The following THRB variants were observed in gnomAD, a reference collection of about 807,000 sequenced individuals.
The protein encoded by THRB is nuclear receptor subfamily 1 group A member 2.
Under a neutral mutation model 47.8 loss-of-function variants are expected in THRB, and 12 were observed. That is an observed-to-expected ratio of 0.25 (90% CI 0.16 to 0.41). The LOEUF (loss-of-function observed/expected upper bound fraction) is 0.41. Ranked by LOEUF, THRB falls within the 10% of genes least tolerant of loss-of-function variation. The pLI is 1.00. For synonymous variants in THRB, 218 were observed against 212.2 expected (o/e 1.03, Z -0.24); for missense variants, 348 against 589.2 (o/e 0.59, Z 4.24).
At chr3:24,440,756 C>G (rs2071445862) in intron 1 of THRB, among the ~76,000 whole-genome samples, 1 of 152,086 alleles carries the variant, frequency 6.6e-6, no homozygotes, top group Admixed American at 6.5e-5. Flanking sequence ...GGGATGATGA[C>G]TGAGCTCTGG....
chr3:24,268,839 TTATA>T (rs2052934250), intron 3 of THRB, among the ~76,000 whole-genome samples: 1 of 152,200 alleles, frequency 6.6e-6, no homozygotes, highest in African/African-American at 2.4e-5. Context: ...CTACATTCTA[TTATA>T]TAAATAATTA....
chr3:24,320,021 A>G (rs970844670), intron 2 of THRB, among the ~76,000 whole-genome samples: 4 of 152,216 alleles, frequency 2.6e-5, no homozygotes, highest in Non-Finnish European at 4.4e-5. Context: ...TACGCTCTCT[A>G]TTATGGGAGT....
chr3:24,348,420 T>A (rs1282501928), intron 1 of THRB: 1 of 152,220 alleles, frequency 6.6e-6, no homozygotes, highest in Non-Finnish European at 1.5e-5. Flanking sequence ...CCCCTGAATG[T>A]CACCTAGTGA....
At chr3:24,466,222 A>G (rs1174267005) in intron 1 of THRB, among the ~76,000 whole-genome samples, 5 of 152,048 alleles carry the variant, frequency 3.3e-5, no homozygotes, top group African/African-American at 4.8e-5. Flanking sequence ...TACTGCTGCC[A>G]AAACTAGTCA....
intron 3 of THRB, among the ~76,000 whole-genome samples, chr3:24,249,233 T>C (rs2150344024): frequency 6.6e-6 from 1 of 152,188 alleles, no homozygotes; most frequent in South Asian, 2.1e-4. Flanking sequence ...TTTTTTTGCA[T>C]AAAAATGATT....
At chr3:24,124,624 T>C (rs1197333277) in intron 10 of THRB, among the ~76,000 whole-genome samples, 2 of 152,242 alleles carry the variant, frequency 1.3e-5, no homozygotes, top group Non-Finnish European at 2.9e-5. Context: ...AAGACCATTT[T>C]AACTCCTTAA....
intron 4 of THRB, among the ~76,000 whole-genome samples, chr3:24,223,338 A>G (rs953235388): frequency 6.6e-6 from 1 of 152,242 alleles, no homozygotes; most frequent in Non-Finnish European, 1.5e-5. Flanking sequence ...ACATGTTGAA[A>G]TAAAAGTGCT....
chr3:24,263,963 T>C (rs2052365692), intron 3 of THRB, among the ~76,000 whole-genome samples: 1 of 152,206 alleles, frequency 6.6e-6, no homozygotes, highest in African/African-American at 2.4e-5. Context: ...GAAAAAATGA[T>C]GTTTTTGCTC....
chr3:24,453,598 A>C (rs1380806231), intron 1 of THRB, among the ~76,000 whole-genome samples: 6 of 152,202 alleles, frequency 3.9e-5, no homozygotes, highest in South Asian at 4.1e-4. Context: ...ATCAATCTTC[A>C]TGAAACAGCT....
In THRB at chr3:24,290,657, G is replaced by A. The variant is rs185044298; in HGVS notation, c.-43+6569C>T. 1.9e-4 allele frequency among the ~76,000 whole-genome samples: 29 copies of A among 152,290 alleles called. No homozygotes were observed. The East Asian group carries it at 5.4e-3, about 28-fold the overall frequency. Reference sequence around the variant, plus strand: ...CTTAATTAATTAGATATTAGGGGAAGAAATGTATTTTTCTGACAAGAAGCC... The same window carrying A: ...CTTAATTAATTAGATATTAGGGGAAAAAATGTATTTTTCTGACAAGAAGCC... On this transcript the variant is annotated intron_variant, in intron 3 of 10. Coordinates refer to ENST00000646209, the MANE Select transcript of THRB (RefSeq NM_001354712.2).
At chr3:24,490,607 G>A (rs1020547096) in intron 1 of THRB, among the ~76,000 whole-genome samples, 1 of 152,148 alleles carries the variant, frequency 6.6e-6, no homozygotes, top group African/African-American at 2.4e-5. Context: ...AGGGTGATAA[G>A]AGCTATATAG....
In THRB at chr3:24,394,754, C is replaced by T. The variant is rs140289405; in HGVS notation, c.-260-57383G>A. 4.0e-3 allele frequency among the ~76,000 whole-genome samples: 614 copies of T among 152,148 alleles called. 3 individuals are homozygous for T. Among genetic ancestry groups the T allele is most frequent in the African/African-American group, 0.014 (572 of 41,516 alleles). On this transcript the variant is annotated intron_variant, in intron 1 of 10. Transcript: ENST00000646209. ...TAGTTTAAATGTATTTGTGTGGATT[C>T]GTGCAATAAAGGAAGAACAATTCCT...
At chr3:24,294,290 T>C (rs1291941690) in intron 3 of THRB, among the ~76,000 whole-genome samples, 1 of 152,152 alleles carries the variant, frequency 6.6e-6, no homozygotes, top group Non-Finnish European at 1.5e-5. Context: ...CTCCAGCAGA[T>C]GCCATGTGAA....
At chr3:24,435,051 C>G (rs1204294536) in intron 1 of THRB, among the ~76,000 whole-genome samples, 1 of 152,092 alleles carries the variant, frequency 6.6e-6, no homozygotes, top group Non-Finnish European at 1.5e-5. Flanking sequence ...GGGAGAGGGG[C>G]TGTCAGAGTG....
intron 1 of THRB, among the ~76,000 whole-genome samples, chr3:24,392,197 G>T (rs1389815358): frequency 6.6e-6 from 1 of 152,048 alleles, no homozygotes; most frequent in Non-Finnish European, 1.5e-5. Flanking sequence ...AATTTACTGA[G>T]GGTTTGGCTA....
At chr3:24,273,725 A>G (rs826237) in intron 3 of THRB, among the ~76,000 whole-genome samples, 109,631 of 152,014 alleles carry the variant, frequency 0.72, 39,986 homozygotes, top group African/African-American at 0.83. Context: ...GCAATGGGGC[A>G]TTCCCCCAGA....
intron 4 of THRB, among the ~76,000 whole-genome samples, chr3:24,212,885 A>C (rs551880906): frequency 6.6e-6 from 1 of 152,190 alleles, no homozygotes; most frequent in Non-Finnish European, 1.5e-5. Flanking sequence ...GCAGCTGACT[A>C]TTTAGGATTA....
intron 4 of THRB, among the ~76,000 whole-genome samples, chr3:24,225,840 T>C (rs992461680): frequency 6.6e-6 from 1 of 151,898 alleles, no homozygotes; most frequent in Non-Finnish European, 1.5e-5. Flanking sequence ...AAGAATTGTA[T>C]TTTTTTTCTT....
chr3:24,479,682 T>C (rs981883564), intron 1 of THRB, among the ~76,000 whole-genome samples: 1 of 152,140 alleles, frequency 6.6e-6, no homozygotes, highest in Non-Finnish European at 1.5e-5. Flanking sequence ...CTAAACGCAG[T>C]TTGCCCCTCA....
Sources: gnomAD v4.1 joint callset for allele counts (sites outside exome capture counted in the v4.1 genomes callset) on GRCh38, gnomAD v4.1.1 for gene constraint, MANE v1.5 for transcripts, NCBI Gene and HGNC (gene_info 2026-07-23, HGNC 2026-07-21) for gene names.